Variants in SLC20A1 observed in about 807,000 individuals in gnomAD.
The protein encoded by SLC20A1 is solute carrier family 20 member 1, also known as sodium-dependent phosphate transporter 1.
A neutral mutation model predicts 62.7 loss-of-function variants in SLC20A1; 28 were observed. That is an observed-to-expected ratio of 0.45 (90% CI 0.33 to 0.61). SLC20A1 has a LOEUF of 0.61. Among genes scored for constraint, SLC20A1 ranks in the 20% least tolerant of loss-of-function variants. The probability of loss-of-function intolerance (pLI) is 0.02; values close to 1 mark genes in which losing one functional copy is unlikely to be tolerated. For synonymous variants in SLC20A1, 305 were observed against 302.9 expected (o/e 1.01, Z -0.07); for missense variants, 673 against 838.6 (o/e 0.80, Z 2.44).
chr2:112,651,534 G>C (rs1027487259), intron 4 of SLC20A1, among the ~76,000 whole-genome samples: 17 of 152,038 alleles, frequency 1.1e-4, no homozygotes, highest in African/African-American at 4.1e-4. Flanking sequence ...CTCCAGAGTA[G>C]CTGGGACTAC....
In SLC20A1 at chr2:112,659,604, T is replaced by G. The variant is rs759204105; in HGVS notation, c.1449T>G (p.Ser483Arg). Reference sequence around the variant, plus strand: ...ACTCAGCATCTGAGATAGACATGAGTGTCAAGGCAGAGATGGGTCTAGGTG... The same window carrying G: ...ACTCAGCATCTGAGATAGACATGAGGGTCAAGGCAGAGATGGGTCTAGGTG... Reference protein sequence around the residue: ...DLHSASEIDMSVKAEMGLGDR... With the variant: ...DLHSASEIDMRVKAEMGLGDR... The change falls in exon 8 of 11, where the codon AGT becomes AGG. Residue 483 changes from serine to arginine, a missense_variant. By Grantham distance (110) the Ser-to-Arg change is moderately radical. Coordinates refer to ENST00000272542, the MANE Select transcript of SLC20A1 (RefSeq NM_005415.5). 1.9e-6 allele frequency: 3 copies of G among 1,614,166 alleles called. No individual in the cohort carries two copies. The highest frequency in any genetic ancestry group is 2.5e-6 in the Non-Finnish European group (3 of 1,180,026).
Position 112,663,072 on chromosome 2 carries a change from G to A in SLC20A1, c.*47G>A, listed in dbSNP as rs1280215018. 5.7e-6 allele frequency: 9 copies of A among 1,592,246 alleles called. No individual in the cohort carries two copies. The highest frequency in any genetic ancestry group is 7.8e-6 in the Non-Finnish European group (9 of 1,160,838). ...GTGTCAATGTTTGGGACCATCTTAG[G>A]TATTCCTGCTCCCCTGAAGAATGAT... On this transcript the variant is annotated 3_prime_UTR_variant, in exon 11 of 11. Coordinates refer to ENST00000272542, the MANE Select transcript of SLC20A1 (RefSeq NM_005415.5).
Position 112,646,746 on chromosome 2 carries a change from G to T in SLC20A1, c.-83G>T. 1 of 743,538 alleles carries T rather than the reference G, an allele frequency of 1.3e-6. No homozygotes were observed. The highest frequency in any genetic ancestry group is 2.6e-5 in the East Asian group (1 of 38,346). 46.1% of individuals were successfully genotyped at this position (743,538 alleles called of 1,614,324 possible). On this transcript the variant is annotated 5_prime_UTR_variant, in exon 2 of 11. Transcript: ENST00000272542. ...TATATAATATATATTATTTATTATA[G>T]CATTTTTGATACCTCATATTCTGTT...
intron 6 of SLC20A1, among the ~76,000 whole-genome samples, chr2:112,657,632 C>T (rs1331584958): frequency 2.0e-5 from 3 of 152,234 alleles, no homozygotes; most frequent in East Asian, 1.9e-4. Context: ...AAGATATTTT[C>T]GTAGAGGAAA....
rs1215907946 is a variant in SLC20A1 at position 112,647,711 on chromosome 2, C to T, written c.534C>T (p.Phe178=). ...LSGIMSGILF[F]LVRAFILHKA... ...GAATTATGTCTGGAATTTTATTCTT[C>T]CTGGTTCGTGCATTCATCCTCCATA... The change falls in exon 4 of 11, where the codon TTC becomes TTT. Residue 178 remains phenylalanine (F), a synonymous_variant. Transcript: ENST00000272542. 1.2e-6 allele frequency: 2 copies of T among 1,614,022 alleles called. No homozygotes were observed. Among genetic ancestry groups the T allele is most frequent in the South Asian group, 2.2e-5 (2 of 91,078 alleles).
chr2:112,658,822 T>C lies in SLC20A1; in HGVS notation c.779-3T>C, dbSNP rs764491285. 6.3e-7 allele frequency: 1 copy of C among 1,588,270 alleles called. No homozygotes were observed. The highest frequency in any genetic ancestry group is 2.2e-5 in the East Asian group (1 of 44,502). On this transcript the variant is annotated splice_polypyrimidine_tract_variant and splice_region_variant and intron_variant, in intron 6 of 10. Transcript: ENST00000272542. Reference sequence around the variant, plus strand: ...CAAAAAAGACCCCCCTTTTTTTTCCTAGGAGAAATAAAGTGTAGTCCTTCT... The same window carrying C: ...CAAAAAAGACCCCCCTTTTTTTTCCCAGGAGAAATAAAGTGTAGTCCTTCT...
intron 4 of SLC20A1, among the ~76,000 whole-genome samples, chr2:112,649,676 A>G (rs929547656): frequency 5.9e-5 from 9 of 152,240 alleles, no homozygotes; most frequent in South Asian, 2.1e-4. Context: ...AGGTACTTCT[A>G]TTTAGGACTG....
At chr2:112,662,298 T>C (rs919604381) in intron 10 of SLC20A1, among the ~76,000 whole-genome samples, 1 of 152,224 alleles carries the variant, frequency 6.6e-6, no homozygotes, top group East Asian at 1.9e-4. Context: ...AAGCAGTGTA[T>C]AGGCCAGGTG....
In SLC20A1 at chr2:112,659,458, G is replaced by T; in HGVS notation, c.1303G>T (p.Ala435Ser). 1 of 1,614,224 alleles carries T rather than the reference G, an allele frequency of 6.2e-7. No homozygotes were observed. The highest frequency in any genetic ancestry group is 8.5e-7 in the Non-Finnish European group (1 of 1,180,044). Residue 435 changes from alanine to serine, a missense_variant, in exon 8 of 11, where the codon GCC (alanine) becomes TCC (serine). By Grantham distance (99) the Ala-to-Ser change is moderately conservative (BLOSUM62 1). Transcript: ENST00000272542. ...ICGMPLDSFR[A>S]KEGEQKGEEM... ...TGGCATGCCTCTGGATTCATTCCGT[G>T]CCAAAGAAGGTGAACAGAAGGGCGA...
rs1475226353 is a variant in SLC20A1 at position 112,662,852 on chromosome 2, C to CT, written c.1879-10dup. 1.2e-6 allele frequency: 2 copies of CT among 1,612,752 alleles called. No homozygotes were observed. The highest frequency in any genetic ancestry group is 1.7e-5 in the Admixed American group (1 of 59,650). Reference sequence around the variant, plus strand: ...TTCAATAACCTGTTTCCTTGGTCTGCTTCTCTTCTAGGTGGGCTCTGTTGT... The same window carrying CT: ...TTCAATAACCTGTTTCCTTGGTCTGCTTTCTCTTCTAGGTGGGCTCTGTTGT... On this transcript the variant is annotated splice_polypyrimidine_tract_variant and intron_variant, in intron 10 of 10. Coordinates refer to ENST00000272542, the MANE Select transcript of SLC20A1 (RefSeq NM_005415.5).
Position 112,659,057 on chromosome 2 carries a change from C to G in SLC20A1, c.1011C>G (p.Asp337Glu), listed in dbSNP as rs1686677731. The change falls in exon 7 of 11, where the codon GAC (aspartate) becomes GAG (glutamate). Residue 337 changes from aspartate to glutamate, a missense_variant. Asp to Glu is a conservative substitution (Grantham distance 45). Transcript: ENST00000272542. ...APERERLPSVDLKEETSIDST... is the reference protein window; with the variant it reads ...APERERLPSVELKEETSIDST... Reference sequence around the variant, plus strand: ...AGAGAGAGAGGCTTCCCAGCGTGGACTTGAAAGAGGAAACCAGCATAGATA... The same window carrying G: ...AGAGAGAGAGGCTTCCCAGCGTGGAGTTGAAAGAGGAAACCAGCATAGATA... The G allele has an allele frequency of 6.2e-7, 1 of 1,614,104 alleles. No individual in the cohort carries two copies. Among genetic ancestry groups the G allele is most frequent in the East Asian group, 2.2e-5 (1 of 44,884 alleles).
chr2:112,647,191 C>G (rs745732941), intron 2 of SLC20A1, 29 bp downstream of exon 2: 1 of 1,598,192 alleles, frequency 6.3e-7, no homozygotes, highest in South Asian at 1.1e-5. Flanking sequence ...TTGTCCTCTT[C>G]GTGGTGGGTG....
Position 112,660,433 on chromosome 2 carries a change from G to C in SLC20A1, c.1654G>C (p.Gly552Arg). The change falls in exon 9 of 11, where the codon GGA (glycine) becomes CGA (arginine). Residue 552 changes from glycine (G) to arginine (R), a missense_variant. Coordinates refer to ENST00000272542, the MANE Select transcript of SLC20A1 (RefSeq NM_005415.5). The part of the protein sequence containing the change: ...LVALYLVYDT[G>R]DVSSKVATPI... ...TGCTTTATATTTGGTTTATGACACA[G>C]GAGATGTTTCTTCAAAAGTGGCAAC... 6.2e-7 allele frequency: 1 copy of C among 1,614,152 alleles called. No homozygotes were observed. The highest frequency in any genetic ancestry group is 1.1e-5 in the South Asian group (1 of 91,086).
At chr2:112,661,632 T>TC (rs1686751433) in intron 10 of SLC20A1, among the ~76,000 whole-genome samples, 1 of 152,172 alleles carries the variant, frequency 6.6e-6, no homozygotes, top group Non-Finnish European at 1.5e-5. Flanking sequence ...CATTGCAACC[T>TC]CCGCCTCCTG....
At chr2:112,662,564 T>C (rs1686780895) in intron 10 of SLC20A1, among the ~76,000 whole-genome samples, 1 of 152,216 alleles carries the variant, frequency 6.6e-6, no homozygotes, top group South Asian at 2.1e-4. Flanking sequence ...TGGGCGACAG[T>C]GCGAGACTCC....
chr2:112,655,739 A>G (rs1156790909), intron 5 of SLC20A1, among the ~76,000 whole-genome samples: 1 of 152,116 alleles, frequency 6.6e-6, no homozygotes, highest in Non-Finnish European at 1.5e-5. Context: ...CTTGTCACCC[A>G]GGCTGGCTGG....
At chr2:112,650,086 C>A (rs1162719231) in intron 4 of SLC20A1, among the ~76,000 whole-genome samples, 1 of 152,132 alleles carries the variant, frequency 6.6e-6, no homozygotes, top group African/African-American at 2.4e-5. Flanking sequence ...TCATACCCTA[C>A]CCCATCCCCA....
intron 3 of SLC20A1, 53 bp downstream of exon 3, chr2:112,647,517 A>G (rs1686316441): frequency 4.4e-6 from 7 of 1,599,446 alleles, no homozygotes; most frequent in South Asian, 2.2e-5. Flanking sequence ...ATATGTTACC[A>G]TGGCATTAGG....
At chr2:112,660,173 C>A (rs1422085731) in intron 8 of SLC20A1, among the ~76,000 whole-genome samples, 1 of 152,152 alleles carries the variant, frequency 6.6e-6, no homozygotes, top group Non-Finnish European at 1.5e-5. Flanking sequence ...GGAAAGAGGC[C>A]ACCATTTGCC....
Sources: allele counts gnomAD v4.1 joint callset (sites outside exome capture counted in the v4.1 genomes callset), GRCh38; gene constraint gnomAD v4.1.1; transcripts MANE v1.5; gene names NCBI Gene and HGNC (gene_info 2026-07-23, HGNC 2026-07-21).